The following CUL2 variants were observed in gnomAD, a reference collection of about 807,000 sequenced individuals.
CUL2 encodes cullin-2.
In CUL2, 22 loss-of-function variants were observed where a neutral mutation model predicts 110.2. The ratio of observed to expected loss-of-function variants is 0.20; its 90% CI spans 0.14 to 0.28. CUL2 has a LOEUF of 0.28. Among genes scored for constraint, CUL2 ranks in the 10% least tolerant of loss-of-function variants. CUL2 has a pLI of 1.00. For synonymous variants in CUL2, 279 were observed against 293.2 expected (o/e 0.95, Z 0.49); for missense variants, 631 against 905.5 (o/e 0.70, Z 3.89).
chr10:35,122,792 C>G (rs1180179160), intron 1 of CUL2, among the ~76,000 whole-genome samples: 1 of 152,150 alleles, frequency 6.6e-6, no homozygotes, highest in African/African-American at 2.4e-5. Flanking sequence ...CATGCGCCAC[C>G]ATGCCCAGCT....
intron 2 of CUL2, among the ~76,000 whole-genome samples, chr10:35,067,320 T>C: frequency 6.6e-6 from 1 of 152,088 alleles, no homozygotes; most frequent in South Asian, 2.1e-4. Context: ...AGTAGGAAAA[T>C]GTCTACATTA....
intron 1 of CUL2, among the ~76,000 whole-genome samples, chr10:35,074,749 A>C (rs369258701): frequency 5.6e-4 from 85 of 152,342 alleles, no homozygotes; most frequent in African/African-American, 1.9e-3. Flanking sequence ...GGCCTCCCAA[A>C]GTGCTGGGAT....
intron 1 of CUL2, among the ~76,000 whole-genome samples, chr10:35,086,281 G>C (rs2087063773): frequency 1.3e-5 from 2 of 152,002 alleles, no homozygotes; most frequent in South Asian, 4.1e-4. Context: ...AGAATTGTTT[G>C]AGCCCAGGAG....
At chr10:35,025,449 C>T (rs1270094588) in intron 16 of CUL2, among the ~76,000 whole-genome samples, 4 of 152,160 alleles carry the variant, frequency 2.6e-5, no homozygotes, top group Non-Finnish European at 5.9e-5. Context: ...CACAGCACTG[C>T]AAATTTGACT....
In CUL2 at chr10:35,031,258, A is replaced by G; in HGVS notation, c.1386+42T>C. On this transcript the variant is annotated intron_variant, in intron 14 of 20. Coordinates refer to ENST00000374749, the MANE Select transcript of CUL2 (RefSeq NM_003591.4). The surrounding 1 kb of genome is among the most constrained non-coding windows in gnomAD (Gnocchi z 4.4). Reference sequence around the variant, plus strand: ...CAATGAACATCTTTATGTGCTTGTGAATGAATTTCTAGGACAATACCACAT... The same window carrying G: ...CAATGAACATCTTTATGTGCTTGTGGATGAATTTCTAGGACAATACCACAT... 8.0e-7 allele frequency: 1 copy of G among 1,247,318 alleles called. No homozygotes were observed. The highest frequency in any genetic ancestry group is 1.1e-6 in the Non-Finnish European group (1 of 877,646). The allele number at this position is 1,247,318 out of a possible 1,614,324, so 77.3% of individuals were successfully genotyped here. A position where few individuals can be genotyped will look rare whatever the true frequency, so the allele number is the denominator to read the frequency against.
chr10:35,058,008 G>C (rs528910087), intron 4 of CUL2, among the ~76,000 whole-genome samples: 2 of 152,216 alleles, frequency 1.3e-5, no homozygotes, highest in East Asian at 3.9e-4. Flanking sequence ...TGAGGAAGGA[G>C]AATCACTTGA....
intron 17 of CUL2, among the ~76,000 whole-genome samples, chr10:35,017,965 C>A (rs1453450976): frequency 6.6e-6 from 1 of 151,642 alleles, no homozygotes; most frequent in African/African-American, 2.4e-5. Context: ...AACACACACA[C>A]GGCCTGCATT....
chr10:35,067,410 AG>A (rs776027133), intron 2 of CUL2, among the ~76,000 whole-genome samples: 1 of 152,158 alleles, frequency 6.6e-6, no homozygotes, highest in African/African-American at 2.4e-5. Flanking sequence ...AAACTAGAAC[AG>A]GGCCAGGTAC....
intron 2 of CUL2, among the ~76,000 whole-genome samples, chr10:35,066,667 A>G (rs1449890796): frequency 6.6e-6 from 1 of 152,260 alleles, no homozygotes; most frequent in Non-Finnish European, 1.5e-5. Flanking sequence ...ATTAGCAAAC[A>G]AGGATAAAAA....
At chr10:35,015,971 A>C (rs2085020411) in intron 18 of CUL2, among the ~76,000 whole-genome samples, 1 of 152,222 alleles carries the variant, frequency 6.6e-6, no homozygotes, top group South Asian at 2.1e-4. Context: ...ACAGTATAGG[A>C]CAAATAAAAT....
intron 14 of CUL2, among the ~76,000 whole-genome samples, chr10:35,030,393 T>G (rs1268220069): frequency 6.6e-6 from 1 of 152,152 alleles, no homozygotes; most frequent in Non-Finnish European, 1.5e-5. Flanking sequence ...TTGTAATTAA[T>G]CTATTTAGAG....
At chr10:35,018,763 CAAA>C (rs35275515) in intron 17 of CUL2, among the ~76,000 whole-genome samples, 2 of 117,414 alleles carry the variant, frequency 1.7e-5, no homozygotes, top group South Asian at 2.9e-4. Context: ...AACTCCGTCT[CAAA>C]AAAAAAAAAA....
At chr10:35,013,615 T>C in intron 19 of CUL2, 84 bp downstream of exon 19, 1 of 865,950 alleles carries the variant, frequency 1.2e-6, no homozygotes, top group Non-Finnish European at 1.8e-6. Flanking sequence ...TGCAAAGTTT[T>C]GCACAATCTC....
chr10:35,070,725 C>T (rs2086655568), intron 2 of CUL2, among the ~76,000 whole-genome samples: 1 of 152,212 alleles, frequency 6.6e-6, no homozygotes. Flanking sequence ...GGCTTGCTCC[C>T]TCGCTGCATT....
intron 1 of CUL2, among the ~76,000 whole-genome samples, chr10:35,125,117 G>A (rs2087731104): frequency 6.6e-6 from 1 of 152,164 alleles, no homozygotes; most frequent in Non-Finnish European, 1.5e-5. Flanking sequence ...TCCCCTAAGA[G>A]GATATGACAC....
intron 1 of CUL2, among the ~76,000 whole-genome samples, chr10:35,077,085 C>T (rs542960966): frequency 2.0e-5 from 3 of 152,102 alleles, no homozygotes; most frequent in Non-Finnish European, 4.4e-5. Context: ...CATAAAGGCC[C>T]TTGAAATAGC....
chr10:35,046,405 T>C (rs2085941986), intron 6 of CUL2, among the ~76,000 whole-genome samples: 1 of 152,178 alleles, frequency 6.6e-6, no homozygotes, highest in South Asian at 2.1e-4. Flanking sequence ...CAAGCAAACA[T>C]CTACATATGT....
At chr10:35,113,181 C>CAA (rs71660665) in intron 1 of CUL2, among the ~76,000 whole-genome samples, 2,663 of 35,840 alleles carry the variant, frequency 0.074, 203 homozygotes, top group African/African-American at 0.14. Context: ...GACTCCATCT[C>CAA]AAAAAAAAAA....
At chr10:35,104,744 G>C (rs575517718) in intron 1 of CUL2, among the ~76,000 whole-genome samples, 24 of 151,340 alleles carry the variant, frequency 1.6e-4, no homozygotes, top group Non-Finnish European at 3.2e-4. Context: ...GACTTTTCTG[G>C]GGGGGGGACA....
Sources: allele counts gnomAD v4.1 joint callset (sites outside exome capture counted in the v4.1 genomes callset), GRCh38; gene constraint gnomAD v4.1.1; non-coding constraint Gnocchi (gnomAD v3.1); transcripts MANE v1.5; gene names NCBI Gene and HGNC (gene_info 2026-07-23, HGNC 2026-07-21).